Variants in CNTLN observed in about 807,000 individuals in gnomAD.
The protein encoded by CNTLN is centlein, centrosomal protein.
In CNTLN, 212 loss-of-function variants were observed where a neutral mutation model predicts 180.0. The observed-to-expected ratio is 1.18, with a 90% CI of 1.05 to 1.32. CNTLN has a LOEUF of 1.32. CNTLN is among the 40% of genes most tolerant of loss of function. CNTLN has a pLI of 0.00. For missense variants in CNTLN, 2,095 were observed against 1,610.9 expected (o/e 1.30, Z -5.14); for synonymous variants, 722 against 563.1 (o/e 1.28, Z -3.99).
At chr9:17,169,484 G>T (rs942475855) in intron 2 of CNTLN, among the ~76,000 whole-genome samples, 1 of 152,142 alleles carries the variant, frequency 6.6e-6, no homozygotes, top group East Asian at 1.9e-4. Context: ...TGACAAGACC[G>T]ATGTCAAGGA....
intron 23 of CNTLN, among the ~76,000 whole-genome samples, chr9:17,467,425 G>C (rs189500431): frequency 4.0e-5 from 6 of 151,686 alleles, no homozygotes; most frequent in East Asian, 1.9e-4. Flanking sequence ...CATTCCCCTA[G>C]ACATAGAAGT....
the CNTLN span, among the ~76,000 whole-genome samples, chr9:17,518,253 T>C: frequency 2.6e-5 from 4 of 152,048 alleles, no homozygotes; most frequent in South Asian, 6.2e-4. Flanking sequence ...TTCACCATGT[T>C]TGCCAGGCTG....
chr9:17,501,384 C>G (rs1491001969), intron 25 of CNTLN, among the ~76,000 whole-genome samples: 1 of 152,226 alleles, frequency 6.6e-6, no homozygotes, highest in African/African-American at 2.4e-5. Flanking sequence ...ATTTCTCTTT[C>G]ATGGCTAATG....
intron 6 of CNTLN, among the ~76,000 whole-genome samples, chr9:17,282,791 C>G (rs1009343197): frequency 6.6e-6 from 1 of 152,156 alleles, no homozygotes; most frequent in East Asian, 1.9e-4. Flanking sequence ...GGTCCAGTTT[C>G]AGTTTTCTCC....
rs183395369 is a variant in CNTLN at position 17,294,389 on chromosome 9, G to A, written c.984-3801G>A. On this transcript the variant is annotated intron_variant, in intron 6 of 25. Transcript: ENST00000380647. ...ATTTTGACAGGGTGCTGATTGGTGC[G>A]TTTACAATCCCTGAGCTAGACACAA... Among the ~76,000 whole-genome samples the A allele has an allele frequency of 2.5e-3, 376 of 150,052 alleles. 3 individuals carry two copies. Among genetic ancestry groups the A allele is most frequent in the Non-Finnish European group, 3.7e-3 (248 of 67,780 alleles).
At chr9:17,295,061 C>T (rs950654568) in intron 6 of CNTLN, among the ~76,000 whole-genome samples, 4 of 152,002 alleles carry the variant, frequency 2.6e-5, no homozygotes, top group African/African-American at 4.8e-5. Context: ...GCACTGTCCG[C>T]GGCTGCTGGC....
chr9:17,354,285 C>T (rs1822632316), intron 12 of CNTLN, among the ~76,000 whole-genome samples: 1 of 152,196 alleles, frequency 6.6e-6, no homozygotes, highest in African/African-American at 2.4e-5. Flanking sequence ...CCAGGGCGCC[C>T]AGTCCCGTAG....
At chr9:17,297,443 A>T (rs1395621643) in intron 6 of CNTLN, among the ~76,000 whole-genome samples, 3 of 152,190 alleles carry the variant, frequency 2.0e-5, no homozygotes, top group Admixed American at 2.0e-4. Flanking sequence ...TATACAAAAG[A>T]ATTCCCAGTT....
At chr9:17,214,021 G>C (rs757037327) in intron 2 of CNTLN, among the ~76,000 whole-genome samples, 2 of 152,116 alleles carry the variant, frequency 1.3e-5, no homozygotes, top group African/African-American at 4.8e-5. Context: ...TTGCCAGTCT[G>C]TGTCTTTTAA....
intron 18 of CNTLN, among the ~76,000 whole-genome samples, chr9:17,419,015 G>A: frequency 6.6e-6 from 1 of 152,146 alleles, no homozygotes; most frequent in East Asian, 1.9e-4. Context: ...AATTTGAACT[G>A]TATAGGCCAA....
At chr9:17,147,129 A>G (rs1441885567) in intron 2 of CNTLN, among the ~76,000 whole-genome samples, 10 of 152,262 alleles carry the variant, frequency 6.6e-5, no homozygotes, top group Non-Finnish European at 7.4e-5. Context: ...AGGTTTGCCT[A>G]TGGGCTTTTT....
intron 19 of CNTLN, among the ~76,000 whole-genome samples, chr9:17,459,157 A>C (rs938243334): frequency 1.3e-5 from 2 of 151,914 alleles, no homozygotes; most frequent in African/African-American, 2.4e-5. Context: ...TGATTTATAC[A>C]TAAATCATAA....
chr9:17,511,061 T>C, the CNTLN span, among the ~76,000 whole-genome samples: 1 of 152,340 alleles, frequency 6.6e-6, no homozygotes, highest in Non-Finnish European at 1.5e-5. Flanking sequence ...GTTTTAACTA[T>C]TCTAATGGGT....
chr9:17,439,982 A>G (rs1426870027), intron 18 of CNTLN, among the ~76,000 whole-genome samples: 1 of 152,214 alleles, frequency 6.6e-6, no homozygotes, highest in Non-Finnish European at 1.5e-5. Flanking sequence ...ATAGCAGCCC[A>G]AACTAAGACA....
Position 17,355,034 on chromosome 9 carries a change from C to A in CNTLN, c.1887-11583C>A, listed in dbSNP as rs10810772. ...TGAGCCAGCGAGACCACGAACCCAC[C>A]AGAAGGAAGAAACTCGGAACACATC... On this transcript the variant is annotated intron_variant, in intron 12 of 25. Coordinates refer to ENST00000380647, the MANE Select transcript of CNTLN (RefSeq NM_017738.4). Among the ~76,000 whole-genome samples, 13 of 151,878 alleles carry A rather than the reference C, an allele frequency of 8.6e-5. No individual in the cohort carries two copies. In the East Asian group the frequency reaches 2.5e-3, roughly 30 times the overall value.
At chr9:17,222,856 G>A (rs1203904945) in intron 2 of CNTLN, among the ~76,000 whole-genome samples, 2 of 151,878 alleles carry the variant, frequency 1.3e-5, no homozygotes, top group African/African-American at 2.4e-5. Context: ...TTCATGTGAT[G>A]TTTTTTCCTT....
At chr9:17,222,030 C>G (rs1330566095) in intron 2 of CNTLN, among the ~76,000 whole-genome samples, 1 of 152,050 alleles carries the variant, frequency 6.6e-6, no homozygotes, top group Non-Finnish European at 1.5e-5. Flanking sequence ...CTGCAGTTCT[C>G]TTTTCTGTCC....
At chr9:17,283,856 G>C (rs1828812957) in intron 6 of CNTLN, among the ~76,000 whole-genome samples, 1 of 152,172 alleles carries the variant, frequency 6.6e-6, no homozygotes, top group African/African-American at 2.4e-5. Flanking sequence ...AGATGATCAT[G>C]TGTTTGCTGT....
intron 5 of CNTLN, among the ~76,000 whole-genome samples, chr9:17,272,983 C>G (rs1005036540): frequency 6.6e-6 from 1 of 151,766 alleles, no homozygotes; most frequent in Admixed American, 6.6e-5. Context: ...CTATCATTGT[C>G]TTTTCTTTTT....
Sources: gnomAD v4.1 joint callset for allele counts (sites outside exome capture counted in the v4.1 genomes callset) on GRCh38, gnomAD v4.1.1 for gene constraint, MANE v1.5 for transcripts, NCBI Gene and HGNC (gene_info 2026-07-23, HGNC 2026-07-21) for gene names.